Variants in SLC25A26 observed in about 807,000 individuals in gnomAD.
SLC25A26 encodes the protein solute carrier family 25 member 26.
In SLC25A26, 36 loss-of-function variants were observed where a neutral mutation model predicts 37.8. The ratio of observed to expected loss-of-function variants is 0.95; its 90% confidence interval spans 0.73 to 1.26. The LOEUF is 1.26. Among genes scored for constraint, SLC25A26 ranks in the 50% most tolerant of loss-of-function variants. The probability of loss-of-function intolerance (pLI) is 0.00; values close to 1 mark genes in which losing one functional copy is unlikely to be tolerated. For missense variants in SLC25A26, 390 were observed against 331.1 expected (o/e 1.18, Z -1.38); for synonymous variants, 129 against 122.5 (o/e 1.05, Z -0.35).
intron 5 of SLC25A26, among the ~76,000 whole-genome samples, chr3:66,279,586 G>T (rs761979954): frequency 1.4e-4 from 21 of 152,136 alleles, no homozygotes; most frequent in Non-Finnish European, 2.5e-4. Context: ...TCTCATTAAA[G>T]ACAGCCGATG....
chr3:66,330,539 C>T (rs1319629175), intron 5 of SLC25A26, among the ~76,000 whole-genome samples: 2 of 149,826 alleles, frequency 1.3e-5, no homozygotes, highest in Non-Finnish European at 2.9e-5. Context: ...TATTCTACCT[C>T]TGTTGTAGGC....
At chr3:66,343,278 ATG>A (rs1390329415) in intron 5 of SLC25A26, among the ~76,000 whole-genome samples, 1 of 152,226 alleles carries the variant, frequency 6.6e-6, no homozygotes, top group South Asian at 2.1e-4. Context: ...AAATGACAAC[ATG>A]TGTGTGATAC....
chr3:66,262,852 C>G (rs534162611), intron 4 of SLC25A26, among the ~76,000 whole-genome samples: 1 of 152,182 alleles, frequency 6.6e-6, no homozygotes, highest in African/African-American at 2.4e-5. Flanking sequence ...AAATACTGAC[C>G]ACTAGTTTGA....
In SLC25A26 at chr3:66,263,337, C is replaced by G. The variant is rs532313880; in HGVS notation, c.411C>G (p.Ile137Met). The G allele has an allele frequency of 1.1e-5, 17 of 1,611,914 alleles. No individual in the cohort carries two copies. The highest frequency in any genetic ancestry group is 1.3e-5 in the African/African-American group (1 of 74,964). Residue 137 changes from isoleucine (I) to methionine (M), a missense_variant, in exon 5 of 10, where the codon ATC becomes ATG. Physicochemically the swap from Ile to Met is conservative, Grantham distance 10. Coordinates refer to ENST00000354883, the MANE Select transcript of SLC25A26 (RefSeq NM_001379210.1). ...CGGCTGTGTGTTTGTTTCAGGGTATCCAAGGGTTGTATCGAGGCTATAAAA... is the reference window on the plus strand; with the variant it reads ...CGGCTGTGTGTTTGTTTCAGGGTATGCAAGGGTTGTATCGAGGCTATAAAA... ...IFSNILYEEG[I>M]QGLYRGYKST...
At chr3:66,373,994 T>G (rs2107862701) in intron 9 of SLC25A26, among the ~76,000 whole-genome samples, 1 of 150,486 alleles carries the variant, frequency 6.6e-6, no homozygotes, top group East Asian at 1.9e-4. Context: ...GCCACCAGCT[T>G]GCTTGTCATG....
chr3:66,236,784 C>T (rs2072313555), intron 2 of SLC25A26, 84 bp downstream of exon 2: 6 of 1,029,102 alleles, frequency 5.8e-6, no homozygotes, highest in Non-Finnish European at 7.9e-6. Flanking sequence ...CCATAGAATT[C>T]CTTGTGTGTT....
At chr3:66,329,704 A>T (rs1423375476) in intron 5 of SLC25A26, among the ~76,000 whole-genome samples, 1 of 152,068 alleles carries the variant, frequency 6.6e-6, no homozygotes, top group Non-Finnish European at 1.5e-5. Context: ...GATTGTTCCA[A>T]TTTTTTTCCT....
chr3:66,146,131 G>A (rs1300029335), intron 1 of SLC25A26, among the ~76,000 whole-genome samples: 1 of 152,096 alleles, frequency 6.6e-6, no homozygotes, highest in East Asian at 1.9e-4. Flanking sequence ...CCTGAGGTCA[G>A]GAGTTCAAGA....
Position 66,209,779 on chromosome 3 carries a change from G to GTA in SLC25A26, c.-353-10950_-353-10949dup, listed in dbSNP as rs1380454669. 4.9e-4 allele frequency among the ~76,000 whole-genome samples: 60 copies of GTA among 121,718 alleles called. 1 individual carries two copies. The highest frequency in any genetic ancestry group is 3.6e-3 in the East Asian group (15 of 4,182). 79.9% of individuals were successfully genotyped at this position (121,718 alleles called of 152,430 possible). On this transcript the variant is annotated intron_variant, in intron 1 of 10. Transcript: ENST00000676754. ...AACTTTTATAGGTATATCTATAAAG[G>GTA]TATATATATATATACACACCTATAT...
At chr3:66,282,249 G>C (rs1395354372) in intron 5 of SLC25A26, among the ~76,000 whole-genome samples, 2 of 151,536 alleles carry the variant, frequency 1.3e-5, no homozygotes, top group African/African-American at 4.9e-5. Flanking sequence ...CTGACCTCAT[G>C]ATCCACCCGC....
chr3:66,287,108 A>G (rs1283640517), intron 5 of SLC25A26, among the ~76,000 whole-genome samples: 2 of 152,120 alleles, frequency 1.3e-5, no homozygotes, highest in Non-Finnish European at 2.9e-5. Flanking sequence ...CATCCTGGCT[A>G]ACACGGAGAA....
intron 1 of SLC25A26, among the ~76,000 whole-genome samples, chr3:66,232,343 T>C (rs965099228): frequency 1.3e-5 from 2 of 152,228 alleles, no homozygotes; most frequent in Admixed American, 1.3e-4. Context: ...GTCCTGTCTT[T>C]TGCTATTTTT....
At chr3:66,177,473 G>A (rs1454924644) in intron 1 of SLC25A26, among the ~76,000 whole-genome samples, 5 of 152,182 alleles carry the variant, frequency 3.3e-5, no homozygotes, top group Admixed American at 6.5e-5. Context: ...ACACTTCCTA[G>A]TTTCTCCCAC....
intron 1 of SLC25A26, among the ~76,000 whole-genome samples, chr3:66,187,437 C>A (rs1258073334): frequency 2.6e-5 from 4 of 152,102 alleles, no homozygotes; most frequent in African/African-American, 9.7e-5. Context: ...ATTTGGCCAT[C>A]ACCCTGCATA....
At chr3:66,196,403 G>A (rs947297355) in intron 1 of SLC25A26, among the ~76,000 whole-genome samples, 3 of 152,106 alleles carry the variant, frequency 2.0e-5, no homozygotes, top group Admixed American at 6.6e-5. Context: ...TTGCATTGGG[G>A]GAGAATGCAC....
intron 3 of SLC25A26, among the ~76,000 whole-genome samples, chr3:66,255,247 A>C (rs1431868980): frequency 1.3e-5 from 2 of 152,202 alleles, no homozygotes; most frequent in East Asian, 3.8e-4. Context: ...CCTGAGTAGC[A>C]GGGGCAGCAT....
Position 66,203,152 on chromosome 3 carries a change from G to A in SLC25A26, c.-353-17590G>A, listed in dbSNP as rs994293625. ...TCCCAACACTTTGGGAGGCCGAGGC[G>A]GGAGGATCTCTTGAGCCCAGGAGTT... is the stretch of plus-strand genomic sequence containing the variant. On this transcript the variant is annotated intron_variant, in intron 1 of 10. Transcript: ENST00000676754. Among the ~76,000 whole-genome samples the A allele has an allele frequency of 3.1e-3, 477 of 152,242 alleles. 1 individual carries two copies. The highest frequency in any genetic ancestry group is 9.2e-3 in the African/African-American group (381 of 41,556).
Position 66,378,467 on chromosome 3 carries a change from T to TAG in SLC25A26, c.*661_*662dup, listed in dbSNP as rs2107896429. The TAG allele has an allele frequency of 6.5e-6, 1 of 152,800 alleles. No homozygotes were observed. Among genetic ancestry groups the TAG allele is most frequent in the South Asian group, 2.1e-4 (1 of 4,832 alleles). 9.5% of individuals were successfully genotyped at this position (152,800 alleles called of 1,614,324 possible). Reference sequence around the variant, plus strand: ...AGAAAGCAGCTGCAACTCAAGTGACTAGGTGGGCCCAGCTGGCTTCGTGCA... The same window carrying TAG: ...AGAAAGCAGCTGCAACTCAAGTGACTAGAGGTGGGCCCAGCTGGCTTCGTGCA... On this transcript the variant is annotated 3_prime_UTR_variant, in exon 10 of 10. Transcript: ENST00000354883.
intron 5 of SLC25A26, among the ~76,000 whole-genome samples, chr3:66,304,725 T>A (rs928022843): frequency 1.3e-5 from 2 of 152,214 alleles, no homozygotes; most frequent in African/African-American, 4.8e-5. Flanking sequence ...TGGGACTGAT[T>A]AACCACCATG....
Sources: allele counts gnomAD v4.1 joint callset (sites outside exome capture counted in the v4.1 genomes callset), GRCh38; gene constraint gnomAD v4.1.1; transcripts MANE v1.5; gene names NCBI Gene and HGNC (gene_info 2026-07-23, HGNC 2026-07-21).